SLC4A7: variants seen among roughly 807,000 people sequenced by gnomAD.
SLC4A7 encodes sodium bicarbonate cotransporter 3.
A neutral mutation model predicts 137.6 loss-of-function variants in SLC4A7; 51 were observed. The ratio of observed to expected loss-of-function variants is 0.37; its 90% CI spans 0.30 to 0.47. SLC4A7 has a LOEUF of 0.47. Among genes scored for constraint, SLC4A7 ranks in the 20% least tolerant of loss-of-function variants. The pLI, the probability that SLC4A7 is intolerant of heterozygous loss-of-function variation, is 1.00. For synonymous variants in SLC4A7, 542 were observed against 518.6 expected, an observed-to-expected ratio of 1.05 and a Z score of -0.61; for missense variants, 1,247 against 1,525.4, an observed-to-expected ratio of 0.82 and a Z score of 3.04.
At chr3:27,424,776 G>T (rs2055376960) in intron 7 of SLC4A7, among the ~76,000 whole-genome samples, 1 of 152,174 alleles carries the variant, frequency 6.6e-6, no homozygotes, top group Admixed American at 6.5e-5. Context: ...GGCAGAGTAA[G>T]AGTTTTATAA....
intron 1 of SLC4A7, among the ~76,000 whole-genome samples, chr3:27,457,967 C>G (rs926221849): frequency 2.6e-5 from 4 of 152,014 alleles, no homozygotes. Flanking sequence ...GTCAAATGCC[C>G]AAGTATGATT....
rs147612435 is a variant in SLC4A7 at position 27,453,990 on chromosome 3, A to C, written c.61-1492T>G. On this transcript the variant is annotated intron_variant, in intron 1 of 25. Transcript: ENST00000454389. The stretch of plus-strand genomic sequence containing the variant: ...TTAAAGGAGTGGGAGCAGGCCATGT[A>C]GACCATGAGACAATTTCATACAATG... Among the ~76,000 whole-genome samples the C allele has an allele frequency of 3.5e-3, 529 of 152,304 alleles. 1 individual carries two copies. Among genetic ancestry groups the C allele is most frequent in the African/African-American group, 0.012 (494 of 41,562 alleles).
chr3:27,461,477 T>C lies in SLC4A7; in HGVS notation c.61-8979A>G, dbSNP rs530054315. The stretch of plus-strand genomic sequence containing the variant: ...CAATTACAAGATAAATTAAAACCAA[T>C]AGCTTTTCTTTAAGCAGTAACAGGC... On this transcript the variant is annotated intron_variant, in intron 1 of 25. Transcript: ENST00000454389. 6.6e-5 allele frequency among the ~76,000 whole-genome samples: 10 copies of C among 151,684 alleles called. No individual in the cohort carries two copies. The East Asian group carries it at 1.4e-3, about 21-fold the overall frequency.
At chr3:27,474,566 C>T (rs1424353961) in intron 1 of SLC4A7, among the ~76,000 whole-genome samples, 1 of 151,744 alleles carries the variant, frequency 6.6e-6, no homozygotes, top group African/African-American at 2.4e-5. Flanking sequence ...AAAAAATTAG[C>T]CTGGCATGGT....
chr3:27,478,455 T>G (rs1044451869), intron 1 of SLC4A7, among the ~76,000 whole-genome samples: 26 of 148,422 alleles, frequency 1.8e-4, no homozygotes, highest in African/African-American at 6.5e-4. Flanking sequence ...GGGACGGAGG[T>G]TGCCGTGACC....
At chr3:27,469,030 C>A (rs888708599) in intron 1 of SLC4A7, among the ~76,000 whole-genome samples, 2 of 151,994 alleles carry the variant, frequency 1.3e-5, no homozygotes, top group African/African-American at 4.8e-5. Flanking sequence ...TTGCTTGAAC[C>A]CAGGAAGCGG....
chr3:27,385,806 T>A (rs1488167880), intron 23 of SLC4A7, 86 bp downstream of exon 23: 6 of 885,394 alleles, frequency 6.8e-6, no homozygotes, highest in Non-Finnish European at 1.0e-5. Context: ...AACTGATTCA[T>A]GTAAAGTGAT....
chr3:27,416,549 G>C (rs956648770), intron 11 of SLC4A7, among the ~76,000 whole-genome samples: 7 of 152,102 alleles, frequency 4.6e-5, no homozygotes, highest in Admixed American at 2.0e-4. Flanking sequence ...TTAATTTTTT[G>C]ATATTTCTAG....
intron 5 of SLC4A7, 21 bp downstream of exon 5, chr3:27,436,367 T>A (rs779383876): frequency 1.9e-6 from 3 of 1,587,906 alleles, no homozygotes; most frequent in Admixed American, 3.4e-5. Context: ...ACATATTTTT[T>A]AAAAGTCAGT....
intron 1 of SLC4A7, among the ~76,000 whole-genome samples, chr3:27,483,027 T>G (rs1333513076): frequency 6.6e-6 from 1 of 152,148 alleles, no homozygotes; most frequent in African/African-American, 2.4e-5. Context: ...AATAAAAACA[T>G]AGGAGAAGTA....
chr3:27,468,622 T>C lies in SLC4A7; in HGVS notation c.60+15445A>G, dbSNP rs753784538. Among the ~76,000 whole-genome samples, 5 of 152,138 alleles carry C rather than the reference T, an allele frequency of 3.3e-5. No homozygotes were observed. In the East Asian group the frequency reaches 9.7e-4, roughly 29 times the overall value. On this transcript the variant is annotated intron_variant, in intron 1 of 25. Transcript: ENST00000454389. ...AATATAGGTTCTAGATCTAGTAAGA[T>C]TGTCTGAATTGAAATCCTGGCTCTT...
chr3:27,460,086 G>A (rs1275304327), intron 1 of SLC4A7, among the ~76,000 whole-genome samples: 1 of 150,162 alleles, frequency 6.7e-6, no homozygotes, highest in East Asian at 1.9e-4. Context: ...GCCCAGGCTG[G>A]GTGCAGTGGC....
intron 3 of SLC4A7, among the ~76,000 whole-genome samples, chr3:27,447,284 G>T: frequency 6.6e-6 from 1 of 151,888 alleles, no homozygotes; most frequent in Non-Finnish European, 1.5e-5. Flanking sequence ...ATGCTAAGAT[G>T]GTTATATATT....
chr3:27,414,679 A>C (rs536994442), intron 11 of SLC4A7, among the ~76,000 whole-genome samples: 8 of 152,150 alleles, frequency 5.3e-5, no homozygotes, highest in Non-Finnish European at 1.0e-4. Flanking sequence ...AGCTGATATC[A>C]ATTTGTTTTC....
chr3:27,418,741 A>G, intron 10 of SLC4A7, 109 bp from the exon 11 acceptor site: 1 of 658,958 alleles, frequency 1.5e-6, no homozygotes, highest in Non-Finnish European at 2.6e-6. Flanking sequence ...GATAACCCCT[A>G]AACTCTTATC....
chr3:27,411,717 C>T lies in SLC4A7; in HGVS notation c.1691G>A (p.Gly564Glu), dbSNP rs1396394849. 6.4e-7 allele frequency: 1 copy of T among 1,551,718 alleles called. No individual in the cohort carries two copies. Among genetic ancestry groups the T allele is most frequent in the East Asian group, 2.4e-5 (1 of 41,832 alleles). ...EKRKIPVFHN[G>E]STPTLGETPK... is the part of the protein sequence containing the mutation. ...AGTCTCACCCAGTGTGGGGGTAGAT[C>T]CATTGTGAAACACAGGAATCTTTCT... The change falls in exon 12 of 26, where the codon GGA (glycine) becomes GAA (glutamate). Residue 564 changes from glycine to glutamate, a missense_variant. By Grantham distance (98) the Gly-to-Glu change is moderately conservative. Coordinates refer to ENST00000454389, the MANE Select transcript of SLC4A7 (RefSeq NM_001321103.2).
At chr3:27,388,361 GT>G (rs1005869707) in intron 22 of SLC4A7, among the ~76,000 whole-genome samples, 1 of 152,092 alleles carries the variant, frequency 6.6e-6, no homozygotes, top group Non-Finnish European at 1.5e-5. Context: ...ACTTGTCAGT[GT>G]TTTTTGAGAA....
chr3:27,465,918 C>CTGGGT (rs1232444386), intron 1 of SLC4A7, among the ~76,000 whole-genome samples: 1 of 144,364 alleles, frequency 6.9e-6, no homozygotes, highest in African/African-American at 2.6e-5. Flanking sequence ...CGCCCCACTG[C>CTGGGT]ACTCCAGCCT....
chr3:27,473,744 T>C (rs1183622813), intron 1 of SLC4A7, among the ~76,000 whole-genome samples: 1 of 148,062 alleles, frequency 6.8e-6, no homozygotes, highest in East Asian at 2.0e-4. Context: ...ATTGAGTATA[T>C]TAACCCAATA....
Sources: gnomAD v4.1 joint callset for allele counts (sites outside exome capture counted in the v4.1 genomes callset) on GRCh38, gnomAD v4.1.1 for gene constraint, MANE v1.5 for transcripts, NCBI Gene and HGNC (gene_info 2026-07-23, HGNC 2026-07-21) for gene names.